The following PRKN variants were observed in gnomAD, a reference collection of about 807,000 sequenced individuals.
The protein encoded by PRKN is E3 ubiquitin-protein ligase parkin.
A neutral mutation model predicts 59.5 loss-of-function variants in PRKN; 56 were observed. The ratio of observed to expected loss-of-function variants is 0.94; its 90% CI spans 0.76 to 1.18. The LOEUF (loss-of-function observed/expected upper bound fraction) is 1.18, where lower values mean the gene tolerates loss of function less well. Ranked by LOEUF, PRKN falls within the 50% of genes most tolerant of loss-of-function variation. The probability of loss-of-function intolerance (pLI) is 0.00; values close to 1 mark genes in which losing one functional copy is unlikely to be tolerated. For missense variants in PRKN, 657 were observed against 596.4 expected (o/e 1.10, Z -1.06); for synonymous variants, 250 against 222.1 (o/e 1.13, Z -1.12).
chr6:161,726,412 A>G (rs1465615636), intron 7 of PRKN, among the ~76,000 whole-genome samples: 1 of 152,220 alleles, frequency 6.6e-6, no homozygotes, highest in Non-Finnish European at 1.5e-5. Flanking sequence ...ATGTCGTGAA[A>G]GCACTTAATG....
intron 5 of PRKN, among the ~76,000 whole-genome samples, chr6:162,021,461 A>ATATATATATTTTT (rs59250759): frequency 2.0e-4 from 5 of 24,666 alleles, no homozygotes; most frequent in African/African-American, 4.6e-4. Context: ...ATATATATAT[A>ATATATATATTTTT]TTTTTTTTTT....
At chr6:162,453,817 C>G (rs1022759265) in intron 1 of PRKN, among the ~76,000 whole-genome samples, 2 of 152,032 alleles carry the variant, frequency 1.3e-5, no homozygotes, top group Admixed American at 6.6e-5. Context: ...ACAGGAGAAT[C>G]ACATGAACCC....
rs981499479 is a variant in PRKN, at chr6:161,972,283, A to T, written c.734+1019T>A. ...GAGCGAAACTCCTTCTCAAAAAAAA[A>T]AAAAAAAAAGAGTTCTTCCTGATAT... On this transcript the variant is annotated intron_variant, in intron 6 of 11. Coordinates refer to ENST00000366898, the MANE Select transcript of PRKN (RefSeq NM_004562.3). Among the ~76,000 whole-genome samples, 25 of 152,092 alleles carry T rather than the reference A, an allele frequency of 1.6e-4. 1 individual carries two copies. The highest frequency in any genetic ancestry group is 1.5e-3 in the Admixed American group (23 of 15,262).
intron 6 of PRKN, among the ~76,000 whole-genome samples, chr6:161,941,118 T>G (rs1467616748): frequency 6.6e-6 from 1 of 152,228 alleles, no homozygotes; most frequent in African/African-American, 2.4e-5. Flanking sequence ...GCTCCACTCT[T>G]GGGCCTGTGC....
intron 6 of PRKN, among the ~76,000 whole-genome samples, chr6:161,845,225 C>T (rs1447908206): frequency 2.6e-5 from 4 of 152,162 alleles, no homozygotes; most frequent in Admixed American, 2.6e-4. Flanking sequence ...CCAGTAGATG[C>T]CCAGGACAGC....
At chr6:162,035,164 G>GAT (rs57612771) in intron 5 of PRKN, among the ~76,000 whole-genome samples, 85 of 150,718 alleles carry the variant, frequency 5.6e-4, no homozygotes, top group Admixed American at 1.1e-3. Context: ...GCCAGAGAGA[G>GAT]ATATATATAT....
chr6:162,668,771 T>C (rs1471768364), intron 1 of PRKN, among the ~76,000 whole-genome samples: 1 of 152,080 alleles, frequency 6.6e-6, no homozygotes, highest in African/African-American at 2.4e-5. Context: ...ATGAGAAGTA[T>C]CTAATAGGTA....
chr6:161,567,205 A>AT (rs1207952788), intron 8 of PRKN, among the ~76,000 whole-genome samples: 1 of 151,790 alleles, frequency 6.6e-6, no homozygotes, highest in Non-Finnish European at 1.5e-5. Flanking sequence ...TGCCTGGCTA[A>AT]TATTTTGTAT....
At chr6:162,206,765 A>G (rs947389271) in intron 3 of PRKN, among the ~76,000 whole-genome samples, 38 of 152,102 alleles carry the variant, frequency 2.5e-4, no homozygotes, top group Non-Finnish European at 8.8e-5. Flanking sequence ...ATCCATCAGG[A>G]TTATTGCTAC....
In PRKN at chr6:161,934,758, G is replaced by A. The variant is rs9355376; in HGVS notation, c.734+38544C>T. 1.3e-4 allele frequency among the ~76,000 whole-genome samples: 20 copies of A among 151,904 alleles called. No individual in the cohort carries two copies. The South Asian group carries it at 4.2e-3, about 32-fold the overall frequency. ...AGGTTTTTTCCCCTCACTTATTCAC[G>A]ATCCTGTATTAATCTAGTAAAACAA... On this transcript the variant is annotated intron_variant, in intron 6 of 11. Transcript: ENST00000366898.
chr6:161,492,498 T>C (rs537344024), intron 9 of PRKN, among the ~76,000 whole-genome samples: 23 of 152,390 alleles, frequency 1.5e-4, no homozygotes, highest in African/African-American at 5.0e-4. Flanking sequence ...CAGCTAATGC[T>C]GTTTTGGGCT....
At chr6:162,654,542 C>T (rs749590761) in intron 1 of PRKN, among the ~76,000 whole-genome samples, 28 of 152,168 alleles carry the variant, frequency 1.8e-4, no homozygotes, top group Non-Finnish European at 3.5e-4. Context: ...TATCTTTCTT[C>T]ATAATGATAA....
intron 1 of PRKN, among the ~76,000 whole-genome samples, chr6:162,446,709 T>C (rs987504532): frequency 3.3e-5 from 5 of 152,200 alleles, no homozygotes; most frequent in African/African-American, 1.2e-4. Flanking sequence ...AGAAACTCAC[T>C]GAGTTCATAA....
chr6:161,583,755 T>C (rs898595982), intron 7 of PRKN, among the ~76,000 whole-genome samples: 7 of 152,154 alleles, frequency 4.6e-5, no homozygotes, highest in African/African-American at 1.7e-4. Context: ...CACCTAATAA[T>C]AGGAATGGGC....
intron 1 of PRKN, among the ~76,000 whole-genome samples, chr6:162,511,145 A>G (rs1408461983): frequency 2.0e-5 from 3 of 152,074 alleles, no homozygotes; most frequent in Non-Finnish European, 2.9e-5. Context: ...GTAATTTTAC[A>G]TTTTAATTAT....
chr6:162,066,233 T>C (rs1462827050), intron 4 of PRKN, among the ~76,000 whole-genome samples: 1 of 152,184 alleles, frequency 6.6e-6, no homozygotes, highest in African/African-American at 2.4e-5. Flanking sequence ...CCAGCATCTG[T>C]TGTGCCTGGA....
chr6:162,466,429 C>T (rs1011665861), intron 1 of PRKN, among the ~76,000 whole-genome samples: 19 of 152,104 alleles, frequency 1.2e-4, no homozygotes, highest in African/African-American at 2.4e-4. Context: ...GGCAGGGTAT[C>T]GCTCTGTCAC....
chr6:161,548,898 G>C lies in PRKN; in HGVS notation c.1039C>G (p.Gln347Glu). The stretch of plus-strand genomic sequence containing the variant: ...CCCCCTTCGCAGGTGACTTTCCTCT[G>C]GTCAGGCTCCGGCAGCAGCCCCGCT... ...CGAGLLPEPD[Q>E]RKVTCEGGNG... Residue 347 changes from glutamine (Q) to glutamate (E), a missense_variant, in exon 9 of 12, where the codon CAG becomes GAG. Coordinates refer to ENST00000366898, the MANE Select transcript of PRKN (RefSeq NM_004562.3). The surrounding 1 kb of genome is among the most constrained non-coding windows in gnomAD (Gnocchi z 4.2). 1 of 1,614,128 alleles carries C rather than the reference G, an allele frequency of 6.2e-7. No homozygotes were observed. Among genetic ancestry groups the C allele is most frequent in the Non-Finnish European group, 8.5e-7 (1 of 1,180,008 alleles).
chr6:162,097,151 C>T (rs1266572114), intron 4 of PRKN, among the ~76,000 whole-genome samples: 3 of 152,152 alleles, frequency 2.0e-5, no homozygotes, highest in Non-Finnish European at 4.4e-5. Context: ...GCTGGGACTA[C>T]AGGCGTGAGC....
Sources: gnomAD v4.1 joint callset for allele counts (sites outside exome capture counted in the v4.1 genomes callset) on GRCh38, gnomAD v4.1.1 for gene constraint, Gnocchi (gnomAD v3.1) non-coding constraint, MANE v1.5 for transcripts, NCBI Gene and HGNC (gene_info 2026-07-23, HGNC 2026-07-21) for gene names.